The following CMSS1 variants were observed in gnomAD, a reference collection of about 807,000 sequenced individuals.
CMSS1 encodes the protein cms1 ribosomal small subunit homolog.
In CMSS1, 33 loss-of-function variants were observed where a neutral mutation model predicts 43.5. The observed-to-expected ratio is 0.76, with a 90% CI of 0.57 to 1.01. CMSS1 has a LOEUF of 1.01. CMSS1 is among the 50% of genes least tolerant of loss of function. The pLI, the probability that CMSS1 is intolerant of heterozygous loss-of-function variation, is 0.00. For synonymous variants in CMSS1, 115 were observed against 117.2 expected (o/e 0.98, Z 0.12); for missense variants, 313 against 326.4 (o/e 0.96, Z 0.32).
intron 1 of CMSS1, among the ~76,000 whole-genome samples, chr3:100,066,796 GCT>G (rs2065673067): frequency 6.6e-6 from 1 of 151,780 alleles, no homozygotes; most frequent in Non-Finnish European, 1.5e-5. Flanking sequence ...CTCCCAAAGT[GCT>G]GGGATTACAG....
intron 1 of CMSS1, chr3:99,898,205 A>C (rs1263492045): frequency 6.6e-6 from 1 of 152,210 alleles, no homozygotes; most frequent in Non-Finnish European, 1.5e-5. Flanking sequence ...TTTGAAGGTT[A>C]TTTGGAAAAA....
rs1290100775 is a variant in CMSS1, at chr3:100,181,207, G to A, written c.*2819G>A. The A allele has an allele frequency of 6.6e-6, 1 of 152,098 alleles. No homozygotes were observed. The highest frequency in any genetic ancestry group is 1.5e-5 in the Non-Finnish European group (1 of 68,022). 9.4% of individuals were successfully genotyped at this position (152,098 alleles called of 1,614,324 possible). On this transcript the variant is annotated 3_prime_UTR_variant, in exon 10 of 10. Coordinates refer to ENST00000421999, the MANE Select transcript of CMSS1 (RefSeq NM_032359.4). The stretch of plus-strand genomic sequence containing the variant: ...GGACACAGCCAAACCACATCAGCAG[G>A]GTAGTGGTAGAAAGAGCATCAAGTG...
chr3:99,986,660 A>G (rs1457434379), intron 1 of CMSS1, among the ~76,000 whole-genome samples: 5 of 152,292 alleles, frequency 3.3e-5, no homozygotes, highest in African/African-American at 1.2e-4. Flanking sequence ...TGAAGTGGTG[A>G]TGGGTGTGGG....
intron 1 of CMSS1, among the ~76,000 whole-genome samples, chr3:99,908,268 A>T (rs1203115924): frequency 1.3e-5 from 2 of 152,250 alleles, no homozygotes; most frequent in Non-Finnish European, 2.9e-5. Context: ...TAAAGTGAGA[A>T]GAGGTATATG....
chr3:99,985,760 T>C (rs1052094929), intron 1 of CMSS1, among the ~76,000 whole-genome samples: 1 of 152,136 alleles, frequency 6.6e-6, no homozygotes, highest in Non-Finnish European at 1.5e-5. Flanking sequence ...AGCTGGTTTT[T>C]GTATTTTTAC....
intron 1 of CMSS1, among the ~76,000 whole-genome samples, chr3:100,102,400 A>T (rs2066325512): frequency 6.6e-6 from 1 of 152,176 alleles, no homozygotes; most frequent in East Asian, 1.9e-4. Context: ...TGGAAATGGG[A>T]TAATAAGGAA....
chr3:99,858,082 C>A (rs549659519), intron 1 of CMSS1, among the ~76,000 whole-genome samples: 1 of 152,082 alleles, frequency 6.6e-6, no homozygotes, highest in Admixed American at 6.6e-5. Context: ...CCTTTACACT[C>A]AAAAAATTTT....
At chr3:100,033,715 T>A (rs552934025) in intron 1 of CMSS1, among the ~76,000 whole-genome samples, 49 of 151,706 alleles carry the variant, frequency 3.2e-4, no homozygotes, top group South Asian at 6.2e-4. Context: ...GAATTGATTT[T>A]AAAAAAAAAC....
intron 1 of CMSS1, among the ~76,000 whole-genome samples, chr3:99,842,456 A>C (rs1258466506): frequency 6.6e-6 from 1 of 151,078 alleles, no homozygotes; most frequent in Admixed American, 6.6e-5. Context: ...GTAACCAAAC[A>C]CCACTTGTTC....
At chr3:100,155,538 G>A (rs2066963853) in intron 2 of CMSS1, among the ~76,000 whole-genome samples, 1 of 152,072 alleles carries the variant, frequency 6.6e-6, no homozygotes, top group African/African-American at 2.4e-5. Context: ...TATTCTCCAG[G>A]CCCACTGAAC....
chr3:99,955,279 T>C (rs1255625769), intron 1 of CMSS1, among the ~76,000 whole-genome samples: 4 of 152,206 alleles, frequency 2.6e-5, no homozygotes, highest in Admixed American at 2.6e-4. Flanking sequence ...CAAAACTTAG[T>C]AAAGACTTTG....
chr3:100,043,734 TC>T (rs1488841845), intron 1 of CMSS1, among the ~76,000 whole-genome samples: 1 of 152,232 alleles, frequency 6.6e-6, no homozygotes, highest in Non-Finnish European at 1.5e-5. Flanking sequence ...TATTTTAATC[TC>T]TGTATACATT....
At chr3:100,055,457 G>C (rs957130130) in intron 1 of CMSS1, among the ~76,000 whole-genome samples, 2 of 152,006 alleles carry the variant, frequency 1.3e-5, no homozygotes, top group African/African-American at 4.8e-5. Context: ...TCTAATGCTA[G>C]AAAAAAACTG....
intron 1 of CMSS1, among the ~76,000 whole-genome samples, chr3:99,843,525 G>C (rs1363667753): frequency 6.6e-6 from 1 of 152,208 alleles, no homozygotes; most frequent in African/African-American, 2.4e-5. Context: ...TGTCAATACA[G>C]ATGCTTTTTG....
intron 1 of CMSS1, among the ~76,000 whole-genome samples, chr3:100,052,482 G>C (rs2065391066): frequency 6.6e-6 from 1 of 152,100 alleles, no homozygotes; most frequent in African/African-American, 2.4e-5. Context: ...TGGGTCTTAT[G>C]GCACCATTTG....
intron 1 of CMSS1, among the ~76,000 whole-genome samples, chr3:99,913,760 T>C (rs1392773393): frequency 1.3e-5 from 2 of 152,164 alleles, no homozygotes; most frequent in Non-Finnish European, 2.9e-5. Flanking sequence ...ATATGCAAGA[T>C]ATAGTGTGAA....
chr3:100,134,419 G>A (rs865970919), intron 1 of CMSS1, among the ~76,000 whole-genome samples: 3 of 152,236 alleles, frequency 2.0e-5, no homozygotes, highest in South Asian at 4.2e-4. Context: ...TTCTTCTGTC[G>A]CTGTTCTGGG....
chr3:99,829,944 G>T (rs1942618742), intron 1 of CMSS1, among the ~76,000 whole-genome samples: 1 of 152,164 alleles, frequency 6.6e-6, no homozygotes, highest in Non-Finnish European at 1.5e-5. Context: ...AGACCTTAAA[G>T]TGTGATTTTA....
chr3:99,836,957 T>G (rs1425069914), intron 1 of CMSS1, among the ~76,000 whole-genome samples: 1 of 152,214 alleles, frequency 6.6e-6, no homozygotes, highest in Non-Finnish European at 1.5e-5. Flanking sequence ...ATTTCCTTCC[T>G]TATTGGCAGT....
Sources: gnomAD v4.1 joint callset for allele counts (sites outside exome capture counted in the v4.1 genomes callset) on GRCh38, gnomAD v4.1.1 for gene constraint, MANE v1.5 for transcripts, NCBI Gene and HGNC (gene_info 2026-07-23, HGNC 2026-07-21) for gene names.